Variants in MAGEA12 observed in about 807,000 individuals in gnomAD.
The protein encoded by MAGEA12 is melanoma-associated antigen 12.
For synonymous variants in MAGEA12, 135 were observed against 104.7 expected, an observed-to-expected ratio of 1.29 and a Z score of -1.77; for missense variants, 235 against 240.1, an observed-to-expected ratio of 0.98 and a Z score of 0.14.
chrX:152,736,693 C>T lies in MAGEA12; in HGVS notation c.532C>T (p.Leu178Phe). 1 of 1,212,039 alleles carries T rather than the reference C, an allele frequency of 8.3e-7. No homozygotes were observed. Among genetic ancestry groups the T allele is most frequent in the Non-Finnish European group, 1.1e-6 (1 of 895,584 alleles). ...EVVRIGHLYILVTCLGLSYDG... is the reference protein window; with the variant it reads ...EVVRIGHLYIFVTCLGLSYDG... ...GGTCCGCATCGGCCACTTGTACATCCTTGTCACCTGCCTGGGCCTCTCCTA... is the reference window on the plus strand; with the variant it reads ...GGTCCGCATCGGCCACTTGTACATCTTTGTCACCTGCCTGGGCCTCTCCTA... The change falls in exon 3 of 3, where the codon CTT becomes TTT. Residue 178 changes from leucine (L) to phenylalanine (F), a missense_variant. Transcript: ENST00000393869.
rs1932349506 is a variant in MAGEA12, at chrX:152,737,248, A to G, written c.*142A>G. On this transcript the variant is annotated 3_prime_UTR_variant, in exon 3 of 3. Transcript: ENST00000393869. ...TTTGAAGAGAGCAGTCAGTATTGTT[A>G]GTAGTGAGTTTCTGTTCTATTGGAT... The G allele has an allele frequency of 3.1e-6, 2 of 639,410 alleles. No homozygotes were observed. Among genetic ancestry groups the G allele is most frequent in the Admixed American group, 4.9e-5 (2 of 40,829 alleles). 52.7% of individuals were successfully genotyped at this position (639,410 alleles called of 1,213,427 possible).
In MAGEA12 at chrX:152,734,876, G is replaced by A. The variant is rs782074256; in HGVS notation, c.-181-272G>A. ...CTGTCCCTTATTCTTAGCTCTAAGGGAACCCGATCAGAGATAGCTCCAATT... is the reference window on the plus strand; with the variant it reads ...CTGTCCCTTATTCTTAGCTCTAAGGAAACCCGATCAGAGATAGCTCCAATT... On this transcript the variant is annotated intron_variant, in intron 1 of 2. Coordinates refer to ENST00000393869, the MANE Select transcript of MAGEA12 (RefSeq NM_001166387.4). Among the ~76,000 whole-genome samples, 4 of 112,624 alleles carry A rather than the reference G, an allele frequency of 3.6e-5. No homozygotes were observed. The South Asian group carries it at 1.5e-3, about 42-fold the overall frequency.
intron 2 of MAGEA12, 124 bp from the exon 3 acceptor site, chrX:152,735,963 G>A (rs367614469): frequency 4.9e-4 from 223 of 457,816 alleles, no homozygotes; most frequent in African/African-American, 4.8e-3. Context: ...ACCAAGGGCC[G>A]CACCGGCCCC....
In MAGEA12 at chrX:152,736,119, G is replaced by C. The variant is rs1239843488; in HGVS notation, c.-43G>C. On this transcript the variant is annotated 5_prime_UTR_variant, in exon 3 of 3. Coordinates refer to ENST00000393869, the MANE Select transcript of MAGEA12 (RefSeq NM_001166387.4). ...GGAGACAGGCCCCGGAGCAGCACTA[G>C]CTCCTGCCCACACTCCTACCTGCTG... 13 of 1,181,194 alleles carry C rather than the reference G, an allele frequency of 1.1e-5. No homozygotes were observed. Among genetic ancestry groups the C allele is most frequent in the Non-Finnish European group, 1.5e-5 (13 of 875,350 alleles).
intron 2 of MAGEA12, among the ~76,000 whole-genome samples, chrX:152,735,709 G>C (rs782622933): frequency 8.9e-6 from 1 of 112,301 alleles, no homozygotes; most frequent in South Asian, 3.7e-4. Flanking sequence ...CCCTGAGTGA[G>C]CACAGAAGGG....
At position 152,736,683 on chromosome X, in the gene MAGEA12, C is replaced by G; in HGVS notation, c.522C>G (p.His174Gln). Reference sequence around the variant, plus strand: ...TGGTGGAAGTGGTCCGCATCGGCCACTTGTACATCCTTGTCACCTGCCTGG... The same window carrying G: ...TGGTGGAAGTGGTCCGCATCGGCCAGTTGTACATCCTTGTCACCTGCCTGG... ...IEVVEVVRIG[H>Q]LYILVTCLGL... is the part of the protein sequence containing the mutation. Residue 174 changes from histidine (H) to glutamine (Q), a missense_variant, in exon 3 of 3, where the codon CAC becomes CAG. By Grantham distance (24) the His-to-Gln change is conservative. Coordinates refer to ENST00000393869, the MANE Select transcript of MAGEA12 (RefSeq NM_001166387.4). The G allele has an allele frequency of 8.3e-7, 1 of 1,211,978 alleles. No homozygotes were observed. The highest frequency in any genetic ancestry group is 1.1e-6 in the Non-Finnish European group (1 of 895,611).
rs1333782722 is a variant in MAGEA12 at position 152,736,079 on chromosome X, T to C, written c.-75-8T>C. 1 of 1,038,218 alleles carries C rather than the reference T, an allele frequency of 9.6e-7. No homozygotes were observed. The highest frequency in any genetic ancestry group is 1.9e-5 in the African/African-American group (1 of 53,251). 85.6% of individuals were successfully genotyped at this position (1,038,218 alleles called of 1,213,427 possible). On this transcript the variant is annotated splice_region_variant and splice_polypyrimidine_tract_variant and intron_variant, in intron 2 of 2. Coordinates refer to ENST00000393869, the MANE Select transcript of MAGEA12 (RefSeq NM_001166387.4). Reference sequence around the variant, plus strand: ...TACCCTGAGGCGCCCTCTCACTTGTTCCTTCAGGTTCTGAGGAGACAGGCC... The same window carrying C: ...TACCCTGAGGCGCCCTCTCACTTGTCCCTTCAGGTTCTGAGGAGACAGGCC...
chrX:152,736,842 G>T lies in MAGEA12; in HGVS notation c.681G>T (p.Val227=). 8.3e-7 allele frequency: 1 copy of T among 1,212,095 alleles called. No individual in the cohort carries two copies. The highest frequency in any genetic ancestry group is 1.1e-6 in the Non-Finnish European group (1 of 895,628). Residue 227 remains valine, a synonymous_variant, in exon 3 of 3, where the codon GTG becomes GTT. Transcript: ENST00000393869. ...AGAAAATCTGGGAGGAGCTGAGTGT[G>T]TTGGAGGCATCTGATGGGAGGGAGG... is the stretch of plus-strand genomic sequence containing the variant. The part of the protein sequence containing the change: ...PEEKIWEELS[V]LEASDGREDS...
intron 1 of MAGEA12, among the ~76,000 whole-genome samples, chrX:152,734,372 G>A (rs1932253132): frequency 9.0e-6 from 1 of 111,690 alleles, no homozygotes; most frequent in Non-Finnish European, 1.9e-5. Context: ...GGAGGGAAGG[G>A]GGTCGGTATC....
intron 1 of MAGEA12, among the ~76,000 whole-genome samples, chrX:152,734,662 C>T (rs1311245452): frequency 1.8e-5 from 2 of 111,969 alleles, no homozygotes; most frequent in African/African-American, 6.5e-5. Context: ...GGATCCTGGG[C>T]ACAGTGGCCT....
intron 2 of MAGEA12, 67 bp from the exon 3 acceptor site, chrX:152,736,020 C>T: frequency 1.6e-6 from 1 of 630,584 alleles, no homozygotes; most frequent in Non-Finnish European, 2.4e-6. Flanking sequence ...TCCCTACTGT[C>T]ATTCCTTCAG....
chrX:152,735,949 G>A (rs1302827649), intron 2 of MAGEA12, 138 bp from the exon 3 acceptor site: 2 of 441,613 alleles, frequency 4.5e-6, no homozygotes, highest in Non-Finnish European at 7.9e-6. Flanking sequence ...TGCCTTGAAT[G>A]CACACCAAGG....
In MAGEA12 at chrX:152,737,338, A is replaced by G. The variant is rs1216495179; in HGVS notation, c.*232A>G. 6.3e-5 allele frequency: 32 copies of G among 510,463 alleles called. No homozygotes were observed. The highest frequency in any genetic ancestry group is 5.7e-4 in the African/African-American group (25 of 44,001). The allele number at this position is 510,463 out of a possible 1,213,427, so 42.1% of individuals were successfully genotyped here. A position where few individuals can be genotyped will look rare whatever the true frequency, so the allele number is the denominator to read the frequency against. On this transcript the variant is annotated 3_prime_UTR_variant, in exon 3 of 3. Transcript: ENST00000393869. ...AAATGTTCCTTTTAACGGATGGTTGAATGAACTTCAGCATCCAAGTTTATG... is the reference window on the plus strand; with the variant it reads ...AAATGTTCCTTTTAACGGATGGTTGGATGAACTTCAGCATCCAAGTTTATG...
In MAGEA12 at chrX:152,737,172, C is replaced by T. The variant is rs1932346848; in HGVS notation, c.*66C>T. 9.4e-7 allele frequency: 1 copy of T among 1,066,467 alleles called. No individual in the cohort carries two copies. 87.9% of individuals were successfully genotyped at this position (1,066,467 alleles called of 1,213,427 possible). A position where few individuals can be genotyped will look rare whatever the true frequency, so the allele number is the denominator to read the frequency against. Reference sequence around the variant, plus strand: ...CTGGGCCAGTGCACCTTCCAAGGCCCCATCCATTAGTTTCCACTGCCTCGT... The same window carrying T: ...CTGGGCCAGTGCACCTTCCAAGGCCTCATCCATTAGTTTCCACTGCCTCGT... On this transcript the variant is annotated 3_prime_UTR_variant, in exon 3 of 3. Coordinates refer to ENST00000393869, the MANE Select transcript of MAGEA12 (RefSeq NM_001166387.4).
At chrX:152,736,002 C>G in intron 2 of MAGEA12, 85 bp from the exon 3 acceptor site, 1 of 557,462 alleles carries the variant, frequency 1.8e-6, no homozygotes, top group South Asian at 3.1e-5. Flanking sequence ...GAGCGCCTGG[C>G]CTCACCCTCC....
chrX:152,734,908 G>T (rs2515832), intron 1 of MAGEA12, among the ~76,000 whole-genome samples: 1 of 111,336 alleles, frequency 9.0e-6, no homozygotes, highest in African/African-American at 3.3e-5. Context: ...AATTGGCAAT[G>T]TCATTTGTAC....
intron 1 of MAGEA12, 67 bp from the exon 2 acceptor site, chrX:152,735,081 A>T (rs1262718789): frequency 1.8e-5 from 2 of 112,355 alleles, no homozygotes; most frequent in African/African-American, 6.5e-5. Flanking sequence ...CTAGAACCAA[A>T]GGGGTCAGCC....
intron 2 of MAGEA12, among the ~76,000 whole-genome samples, chrX:152,735,608 T>C (rs1932297699): frequency 1.8e-5 from 2 of 112,234 alleles, no homozygotes; most frequent in Admixed American, 1.9e-4. Flanking sequence ...CATGTCCTTC[T>C]GTACCGTATC....
chrX:152,734,426 C>A (rs1932256259), intron 1 of MAGEA12, among the ~76,000 whole-genome samples: 1 of 111,314 alleles, frequency 9.0e-6, no homozygotes, highest in Admixed American at 9.4e-5. Context: ...CCAAGCCCCT[C>A]CTGGAAGATA....
Sources: allele counts gnomAD v4.1 joint callset (sites outside exome capture counted in the v4.1 genomes callset), GRCh38; gene constraint gnomAD v4.1.1; transcripts MANE v1.5; gene names NCBI Gene and HGNC (gene_info 2026-07-23, HGNC 2026-07-21).